The following ACTR8 variants were observed in gnomAD, a reference collection of about 807,000 sequenced individuals.
The protein encoded by ACTR8 is actin related protein 8.
Under a neutral mutation model 84.3 loss-of-function variants are expected in ACTR8, and 70 were observed. That is an observed-to-expected ratio of 0.83 (90% CI 0.68 to 1.01). ACTR8 has a LOEUF of 1.01. Ranked by LOEUF, ACTR8 falls within the 50% of genes least tolerant of loss-of-function variation. The probability of loss-of-function intolerance (pLI) is 0.00; values close to 1 mark genes in which losing one functional copy is unlikely to be tolerated. For missense variants in ACTR8, 672 were observed against 775.4 expected (o/e 0.87, Z 1.58); for synonymous variants, 268 against 275.2 (o/e 0.97, Z 0.26).
At chr3:53,881,934 G>C in intron 1 of ACTR8, 45 bp downstream of exon 1, 1 of 1,552,720 alleles carries the variant, frequency 6.4e-7, no homozygotes, top group Non-Finnish European at 8.7e-7. Context: ...TGGCAGCGGA[G>C]GACCCAAGCA....
At chr3:53,864,831 C>A, downstream of ACTR8, 1 of 1,614,078 alleles carries the variant, frequency 6.2e-7, no homozygotes. Flanking sequence ...AAATATGTTT[C>A]CATCACACAA....
downstream of ACTR8, among the ~76,000 whole-genome samples, chr3:53,862,505 A>C (rs1699599719): frequency 6.6e-6 from 1 of 152,250 alleles, no homozygotes. Context: ...CAACAGAGCC[A>C]ATCAAGGAAA....
the ACTR8 span, chr3:53,859,488 A>C: frequency 6.6e-6 from 1 of 152,444 alleles, no homozygotes; most frequent in Non-Finnish European, 1.5e-5. Flanking sequence ...ATTCCTGGGC[A>C]CTCTGTGCCT....
chr3:53,873,247 G>C, intron 8 of ACTR8, 120 bp from the exon 9 acceptor site: 2 of 612,916 alleles, frequency 3.3e-6, no homozygotes, highest in Middle Eastern at 3.0e-4. Context: ...CTACAGCTTT[G>C]TACCACTCAC....
chr3:53,863,538 C>T (rs111431846), downstream of ACTR8, among the ~76,000 whole-genome samples: 33 of 152,316 alleles, frequency 2.2e-4, no homozygotes, highest in African/African-American at 7.7e-4. Context: ...CTCAGGAATT[C>T]TTACATTTAG....
Position 53,872,408 on chromosome 3 carries a change from C to A in ACTR8, c.1278G>T (p.Leu426=). 1 of 1,608,856 alleles carries A rather than the reference C, an allele frequency of 6.2e-7. No homozygotes were observed. The highest frequency in any genetic ancestry group is 8.5e-7 in the Non-Finnish European group (1 of 1,178,078). ...CCTGTTCTTGTTTGCTCTGTGTGGC[C>A]AGCAGGTAATGTTCATCGTGAGGAT... ...PEDPHDEHYL[L]ATQSKQEQSA... The change falls in exon 10 of 13, where the codon CTG becomes CTT. Residue 426 remains leucine (L), a synonymous_variant. Transcript: ENST00000335754.
Position 53,882,073 on chromosome 3 carries a change from T to A in ACTR8, c.29A>T (p.Glu10Val). 1.3e-6 allele frequency: 2 copies of A among 1,551,642 alleles called. No individual in the cohort carries two copies. The highest frequency in any genetic ancestry group is 2.4e-5 in the South Asian group (2 of 84,060). The change falls in exon 1 of 13, where the codon GAG (glutamate) becomes GTG (valine). Residue 10 changes from glutamate (E) to valine (V), a missense_variant. Physicochemically the swap from Glu to Val is moderately radical, Grantham distance 121. Coordinates refer to ENST00000335754, the MANE Select transcript of ACTR8 (RefSeq NM_022899.5). The stretch of plus-strand genomic sequence containing the variant: ...CTCGCCGCCCTTCTCCTTTCCGTTC[T>A]CCGTATCACCCTTCTCAGCCTGGGT... MTQAEKGDT[E>V]NGKEKGGEKE...
chr3:53,870,291 C>A lies in ACTR8; in HGVS notation c.1568-146G>T. 1.1e-6 allele frequency: 1 copy of A among 883,238 alleles called. No individual in the cohort carries two copies. Among genetic ancestry groups the A allele is most frequent in the Non-Finnish European group, 1.7e-6 (1 of 577,326 alleles). The allele number at this position is 883,238 out of a possible 1,614,324, so 54.7% of individuals were successfully genotyped here. A position where few individuals can be genotyped will look rare whatever the true frequency, so the allele number is the denominator to read the frequency against. On this transcript the variant is annotated intron_variant, in intron 11 of 12. Transcript: ENST00000335754. This position sits in a 1 kb window ranked among gnomAD's most constrained non-coding sequence, Gnocchi z 4.1. ...ACCCTCCACACTGCAGCCAGGGGAA[C>A]CCTACGAAACACAAATGTAGGCATG...
At chr3:53,860,474 C>T in the ACTR8 span, 3 of 348,824 alleles carry the variant, frequency 8.6e-6, no homozygotes, top group Admixed American at 4.3e-5. Context: ...TACCATTGAG[C>T]CTTCTACCAG....
At chr3:53,859,953 T>C in the ACTR8 span, 1 of 501,534 alleles carries the variant, frequency 2.0e-6, no homozygotes, top group Non-Finnish European at 3.6e-6. Flanking sequence ...GAGGCTGCAG[T>C]GAACCGAGAT....
chr3:53,870,901 T>C lies in ACTR8; in HGVS notation c.1567+331A>G, dbSNP rs1051932286. The stretch of plus-strand genomic sequence containing the variant: ...TCCCCTAGTGAGTAAAGATTCTATG[T>C]GAAATTCCTCAAATTATTACACAAA... On this transcript the variant is annotated intron_variant, in intron 11 of 12. Coordinates refer to ENST00000335754, the MANE Select transcript of ACTR8 (RefSeq NM_022899.5). This position sits in a 1 kb window ranked among gnomAD's most constrained non-coding sequence, Gnocchi z 4.1. Among the ~76,000 whole-genome samples the C allele has an allele frequency of 7.9e-5, 12 of 152,226 alleles. No homozygotes were observed. Among genetic ancestry groups the C allele is most frequent in the African/African-American group, 2.9e-4 (12 of 41,464 alleles).
intron 1 of ACTR8, 28 bp downstream of exon 1, chr3:53,881,951 A>G (rs1468671856): frequency 6.4e-7 from 1 of 1,554,678 alleles, no homozygotes; most frequent in Admixed American, 1.9e-5. Context: ...AGCAAGGGCA[A>G]AGAGTTCCAA....
the ACTR8 span, chr3:53,860,341 T>C: frequency 4.9e-5 from 38 of 780,644 alleles, no homozygotes; most frequent in Non-Finnish European, 7.2e-5. Context: ...CAGAGTTAGA[T>C]AGCATTTATG....
chr3:53,878,930 A>G (rs1255271819), intron 2 of ACTR8, among the ~76,000 whole-genome samples: 2 of 152,240 alleles, frequency 1.3e-5, no homozygotes, highest in Non-Finnish European at 2.9e-5. Flanking sequence ...TTTTTCATAA[A>G]ATTTCTCACA....
At chr3:53,879,577 G>GT (rs1700028622) in intron 2 of ACTR8, among the ~76,000 whole-genome samples, 1 of 152,100 alleles carries the variant, frequency 6.6e-6, no homozygotes, top group Non-Finnish European at 1.5e-5. Flanking sequence ...GAAAATAAGA[G>GT]TTTGACTTAT....
chr3:53,868,725 C>A lies in ACTR8; in HGVS notation c.1869G>T (p.Val623=), dbSNP rs752272820. Residue 623 remains valine (V), a synonymous_variant, in exon 13 of 13, where the codon GTG becomes GTT. Coordinates refer to ENST00000335754, the MANE Select transcript of ACTR8 (RefSeq NM_022899.5). Reference sequence around the variant, plus strand: ...AGTGACATTTCCTCCCCATTCACCACACAAACGCAGCCCGCTCTCGTAACA... The same window carrying A: ...AGTGACATTTCCTCCCCATTCACCAAACAAACGCAGCCCGCTCTCGTAACA... ...VRMLRERAAF[V]W 3 of 1,613,862 alleles carry A rather than the reference C, an allele frequency of 1.9e-6. No individual in the cohort carries two copies. The highest frequency in any genetic ancestry group is 2.7e-5 in the African/African-American group (2 of 74,918).
chr3:53,875,831 CAG>C (rs761639384), intron 7 of ACTR8, 115 bp downstream of exon 7: 198 of 1,450,686 alleles, frequency 1.4e-4, no homozygotes, highest in Non-Finnish European at 1.8e-4. Flanking sequence ...GTTTACCATG[CAG>C]ACTTTTGAAT....
In ACTR8 at chr3:53,872,807, T is replaced by TA. The variant is rs1699906894; in HGVS notation, c.1161+224dup. 2.6e-5 allele frequency among the ~76,000 whole-genome samples: 4 copies of TA among 152,346 alleles called. No individual in the cohort carries two copies. In the South Asian group the frequency reaches 6.2e-4, roughly 24 times the overall value. ...CTTCATAATTTCCTAGTAAGAATGA[T>TA]ACCTTTCTTTCTAATTAACACCTCA... On this transcript the variant is annotated intron_variant, in intron 9 of 12. Transcript: ENST00000335754.
Position 53,877,249 on chromosome 3 carries a change from G to C in ACTR8, c.649C>G (p.Gln217Glu). Residue 217 changes from glutamine to glutamate, a missense_variant, in exon 5 of 13, where the codon CAA becomes GAA. Transcript: ENST00000335754. The stretch of plus-strand genomic sequence containing the variant: ...TTCAGTGGGATTTCCAAGTATTTTT[G>C]TATCGCATGAGACCATATTACTTCA... ...DIEVIWSHAI[Q>E]KYLEIPLKDL... 2 of 1,605,732 alleles carry C rather than the reference G, an allele frequency of 1.2e-6. No homozygotes were observed. Among genetic ancestry groups the C allele is most frequent in the Non-Finnish European group, 1.7e-6 (2 of 1,177,682 alleles).
Sources: allele counts gnomAD v4.1 joint callset (sites outside exome capture counted in the v4.1 genomes callset), GRCh38; gene constraint gnomAD v4.1.1; non-coding constraint Gnocchi (gnomAD v3.1); transcripts MANE v1.5; gene names NCBI Gene and HGNC (gene_info 2026-07-23, HGNC 2026-07-21).